SPMIP2: variants seen among roughly 807,000 people sequenced by gnomAD.
The protein encoded by SPMIP2 is sperm microtubule inner protein 2.
the SPMIP2 span, among the ~76,000 whole-genome samples, chr4:159,023,677 C>T: frequency 1.3e-5 from 2 of 152,202 alleles, no homozygotes; most frequent in Non-Finnish European, 2.9e-5. Flanking sequence ...AACCCCAAAA[C>T]AGGATTAGGC....
the SPMIP2 span, among the ~76,000 whole-genome samples, chr4:158,992,484 T>C: frequency 6.6e-6 from 1 of 152,184 alleles, no homozygotes; most frequent in African/African-American, 2.4e-5. Flanking sequence ...TGAGAGTAGA[T>C]ATTTATCTGT....
the SPMIP2 span, among the ~76,000 whole-genome samples, chr4:158,950,925 A>T: frequency 6.6e-6 from 1 of 152,058 alleles, no homozygotes; most frequent in East Asian, 1.9e-4. Flanking sequence ...GGCTGAAGGG[A>T]GGGTCTGTGG....
chr4:158,919,067 CAGTTA>C, the SPMIP2 span, among the ~76,000 whole-genome samples: 1 of 152,096 alleles, frequency 6.6e-6, no homozygotes, highest in African/African-American at 2.4e-5. Flanking sequence ...TTTCTCGAAC[CAGTTA>C]AAAGTACTGG....
chr4:159,000,494 C>CTTTTTTTT, the SPMIP2 span, among the ~76,000 whole-genome samples: 2 of 130,002 alleles, frequency 1.5e-5, no homozygotes, highest in African/African-American at 2.8e-5. Context: ...TCTTCTTCTT[C>CTTTTTTTT]TTTTTTTTTT....
the SPMIP2 span, among the ~76,000 whole-genome samples, chr4:159,030,417 G>GA: frequency 1.7e-4 from 24 of 143,364 alleles, no homozygotes; most frequent in Admixed American, 4.1e-4. Context: ...TCCCTCAAAA[G>GA]AAAAAAAAAA....
chr4:159,072,932 T>G, the SPMIP2 span, among the ~76,000 whole-genome samples: 1 of 152,174 alleles, frequency 6.6e-6, no homozygotes, highest in African/African-American at 2.4e-5. Context: ...TTATTAATAT[T>G]TATGGACTAT....
chr4:158,902,468 A>T, the SPMIP2 span, among the ~76,000 whole-genome samples: 1 of 152,162 alleles, frequency 6.6e-6, no homozygotes, highest in South Asian at 2.1e-4. Context: ...GGGGTCAGGG[A>T]TCCACTTGAG....
At chr4:158,914,549 C>T in the SPMIP2 span, among the ~76,000 whole-genome samples, 11 of 152,260 alleles carry the variant, frequency 7.2e-5, no homozygotes, top group East Asian at 1.2e-3. Flanking sequence ...AAAAACTGGA[C>T]GCCTGCAAAG....
the SPMIP2 span, chr4:158,905,694 C>A: frequency 3.4e-5 from 4 of 118,394 alleles, no homozygotes; most frequent in Middle Eastern, 4.0e-3. Context: ...AAAGTTCATG[C>A]AAAAAAAAAA....
chr4:159,066,830 A>G, the SPMIP2 span, among the ~76,000 whole-genome samples: 1 of 152,142 alleles, frequency 6.6e-6, no homozygotes, highest in Non-Finnish European at 1.5e-5. Context: ...AATAACTATT[A>G]TCAGCTTTGT....
the SPMIP2 span, among the ~76,000 whole-genome samples, chr4:158,994,299 G>C: frequency 6.6e-5 from 10 of 152,320 alleles, no homozygotes; most frequent in Non-Finnish European, 1.5e-4. Context: ...TCCATTAAAA[G>C]ACTGAAGATA....
the SPMIP2 span, among the ~76,000 whole-genome samples, chr4:158,951,396 G>C: frequency 6.6e-6 from 1 of 152,140 alleles, no homozygotes; most frequent in Non-Finnish European, 1.5e-5. Flanking sequence ...GAATATTGTA[G>C]ACAATTGTAA....
At chr4:158,930,202 T>TCTCTCTCTCTCTCTCTCTCTCTCTCTCA in the SPMIP2 span, among the ~76,000 whole-genome samples, 1 of 96,362 alleles carries the variant, frequency 1.0e-5, no homozygotes, top group African/African-American at 4.7e-5. Context: ...TCTCTCTCTC[T>TCTCTCTCTCTCTCTCTCTCTCTCTCTCA]CTCTCTCTCT....
chr4:159,019,398 A>C, the SPMIP2 span, among the ~76,000 whole-genome samples: 1 of 151,266 alleles, frequency 6.6e-6, no homozygotes, highest in Non-Finnish European at 1.5e-5. Flanking sequence ...GTGGGTATCT[A>C]CTTGGTGATA....
the SPMIP2 span, among the ~76,000 whole-genome samples, chr4:158,922,139 C>T: frequency 2.6e-5 from 4 of 152,116 alleles, no homozygotes; most frequent in African/African-American, 4.8e-5. Context: ...CTGCCCGCCT[C>T]GGCCTCCCAA....
the SPMIP2 span, among the ~76,000 whole-genome samples, chr4:159,044,000 A>T: frequency 1.3e-5 from 2 of 152,232 alleles, no homozygotes; most frequent in African/African-American, 4.8e-5. Context: ...AACCAGGCTT[A>T]TGAGCATTTG....
chr4:159,015,263 G>A, the SPMIP2 span, among the ~76,000 whole-genome samples: 9 of 152,244 alleles, frequency 5.9e-5, no homozygotes, highest in South Asian at 2.1e-4. Flanking sequence ...ATATATGTGT[G>A]TATTTGCATG....
chr4:158,992,111 C>T, the SPMIP2 span, among the ~76,000 whole-genome samples: 3 of 152,322 alleles, frequency 2.0e-5, no homozygotes, highest in East Asian at 1.9e-4. Context: ...TGGTCTCAAA[C>T]TCCTGGCCTC....
At chr4:158,962,483 T>C in the SPMIP2 span, among the ~76,000 whole-genome samples, 1 of 152,234 alleles carries the variant, frequency 6.6e-6, no homozygotes, top group Admixed American at 6.5e-5. Flanking sequence ...TTTTCTTCTA[T>C]AGCCTCCTCC....
Sources: gnomAD v4.1 joint callset for allele counts (sites outside exome capture counted in the v4.1 genomes callset) on GRCh38, gnomAD v4.1.1 for gene constraint, MANE v1.5 for transcripts, NCBI Gene and HGNC (gene_info 2026-07-23, HGNC 2026-07-21) for gene names.